The following UPP2 variants were observed in gnomAD, a reference collection of about 807,000 sequenced individuals.
The protein encoded by UPP2 is UPase 2.
In UPP2, 23 loss-of-function variants were observed where a neutral mutation model predicts 26.7. That is an observed-to-expected ratio of 0.86 (90% CI 0.62 to 1.22). UPP2 has a LOEUF of 1.22. Among genes scored for constraint, UPP2 ranks in the 50% most tolerant of loss-of-function variants. The pLI, the probability that UPP2 is intolerant of heterozygous loss-of-function variation, is 0.00. For synonymous variants in UPP2, 127 were observed against 141.3 expected (o/e 0.90, Z 0.72); for missense variants, 387 against 396.7 (o/e 0.98, Z 0.21).
intron 3 of UPP2, among the ~76,000 whole-genome samples, chr2:158,095,784 GT>G (rs143213496): frequency 2.8e-4 from 41 of 147,976 alleles, no homozygotes; most frequent in South Asian, 1.1e-3. Flanking sequence ...CATTCTTCCT[GT>G]TTTTTTTTTC....
rs561788200 is a variant in UPP2 at position 158,104,838 on chromosome 2, C to T, written c.63-1261C>T. ...TCAGCAGGCTGAGGCAGGAGAATCG[C>T]TTGAACCAGGAGGCGGAGGTTGCAG... On this transcript the variant is annotated intron_variant, in intron 1 of 6. Coordinates refer to ENST00000005756, the MANE Select transcript of UPP2 (RefSeq NM_173355.4). Among the ~76,000 whole-genome samples the T allele has an allele frequency of 8.6e-5, 13 of 150,928 alleles. No homozygotes were observed. The South Asian group carries it at 2.3e-3, about 27-fold the overall frequency.
At chr2:158,037,408 G>A (rs906010602) in intron 3 of UPP2, among the ~76,000 whole-genome samples, 3 of 151,908 alleles carry the variant, frequency 2.0e-5, no homozygotes, top group Middle Eastern at 3.2e-3. Context: ...CCTTTTGGGG[G>A]GATATATTAG....
intron 4 of UPP2, among the ~76,000 whole-genome samples, chr2:158,119,861 A>T (rs1260216191): frequency 2.6e-5 from 4 of 151,786 alleles, no homozygotes; most frequent in Admixed American, 2.6e-4. Context: ...AATACAAAAA[A>T]TTAGTTAGGT....
At chr2:158,012,148 G>A (rs532891186) in intron 2 of UPP2, among the ~76,000 whole-genome samples, 3 of 151,564 alleles carry the variant, frequency 2.0e-5, no homozygotes, top group African/African-American at 4.8e-5. Flanking sequence ...GTACATGTAA[G>A]CCTTTTAAAA....
intron 3 of UPP2, among the ~76,000 whole-genome samples, chr2:158,037,406 G>A (rs1684020712): frequency 6.6e-6 from 1 of 152,048 alleles, no homozygotes; most frequent in Non-Finnish European, 1.5e-5. Flanking sequence ...ATCCTTTTGG[G>A]GGGATATATT....
At chr2:158,098,562 T>A (rs7593877), upstream of UPP2, among the ~76,000 whole-genome samples, 3,953 of 152,196 alleles carry the variant, frequency 0.026, 177 homozygotes, top group African/African-American at 0.087. Context: ...CTGAGCTGCA[T>A]CATCACATAG....
At chr2:158,020,601 G>GA (rs1322585904) in intron 3 of UPP2, among the ~76,000 whole-genome samples, 2 of 152,214 alleles carry the variant, frequency 1.3e-5, no homozygotes, top group East Asian at 3.9e-4. Context: ...AACATGGAAT[G>GA]ACACCCAGAG....
intron 2 of UPP2, among the ~76,000 whole-genome samples, chr2:157,999,379 T>C (rs7355662): frequency 0.66 from 100,650 of 152,008 alleles, 33,908 homozygotes; most frequent in East Asian, 0.98. Context: ...GGTTTCACTA[T>C]GTTGACCAGG....
At chr2:158,130,938 T>C (rs185154258) in intron 6 of UPP2, among the ~76,000 whole-genome samples, 2 of 152,266 alleles carry the variant, frequency 1.3e-5, no homozygotes, top group Admixed American at 1.3e-4. Context: ...GAAGAACAAA[T>C]TGTTTCTATG....
rs569807371 is a variant in UPP2, at chr2:158,117,220, C to G, written c.340-604C>G. 8.4e-4 allele frequency among the ~76,000 whole-genome samples: 128 copies of G among 151,700 alleles called. 2 individuals carry two copies. Among genetic ancestry groups the G allele is most frequent in the Non-Finnish European group, 1.6e-3 (107 of 67,670 alleles). On this transcript the variant is annotated intron_variant, in intron 3 of 6. Transcript: ENST00000005756. ...CCCTTTTCTGGTGACATTGATTCCACTGTCCTGAATACTGAAAAAAACAGG... is the reference window on the plus strand; with the variant it reads ...CCCTTTTCTGGTGACATTGATTCCAGTGTCCTGAATACTGAAAAAAACAGG...
chr2:158,072,781 T>C (rs1028997559), intron 3 of UPP2, among the ~76,000 whole-genome samples: 1 of 152,222 alleles, frequency 6.6e-6, no homozygotes, highest in South Asian at 2.1e-4. Flanking sequence ...GGTAACTCAA[T>C]GAGTCTATAA....
At chr2:158,081,011 T>C (rs1455896500) in intron 3 of UPP2, among the ~76,000 whole-genome samples, 4 of 152,222 alleles carry the variant, frequency 2.6e-5, no homozygotes, top group Non-Finnish European at 5.9e-5. Context: ...AAATGAAGTG[T>C]GTCATGCCTG....
chr2:158,010,568 T>A (rs778946165), intron 2 of UPP2, among the ~76,000 whole-genome samples: 6 of 152,096 alleles, frequency 3.9e-5, no homozygotes, highest in Admixed American at 1.3e-4. Context: ...GTAGGCTGAA[T>A]CAAATTAAGC....
At chr2:158,060,813 G>GC (rs1682340733) in intron 3 of UPP2, among the ~76,000 whole-genome samples, 1 of 152,186 alleles carries the variant, frequency 6.6e-6, no homozygotes, top group African/African-American at 2.4e-5. Context: ...TGAGAAGGTG[G>GC]CCATCTACAA....
chr2:158,068,599 C>T (rs865994814), intron 3 of UPP2, among the ~76,000 whole-genome samples: 42 of 151,126 alleles, frequency 2.8e-4, no homozygotes, highest in Admixed American at 6.0e-4. Flanking sequence ...TGTTTCCTCA[C>T]CTGTAAAATG....
rs1217122614 is a variant in UPP2 at position 158,063,602 on chromosome 2, T to C, written c.148-38438T>C. 3.0e-3 allele frequency among the ~76,000 whole-genome samples: 29 copies of C among 9,548 alleles called. No homozygotes were observed. In the African/African-American group the frequency reaches 0.08, roughly 26 times the overall value. The allele number at this position is 9,548 out of a possible 152,430, so 6.3% of individuals were successfully genotyped here. On this transcript the variant is annotated intron_variant, in intron 3 of 9. Transcript: ENST00000605860. ...AGGATTAGGCCACCATTTTCTTTTC[T>C]TTTTTTTTTTTATACTTTAAGTTCT...
intron 3 of UPP2, among the ~76,000 whole-genome samples, chr2:158,029,641 A>G (rs1393792751): frequency 6.6e-6 from 1 of 152,058 alleles, no homozygotes; most frequent in African/African-American, 2.4e-5. Context: ...GAAAACAGGT[A>G]TAAACTGGGC....
intron 3 of UPP2, among the ~76,000 whole-genome samples, chr2:158,062,454 C>T (rs1490947849): frequency 5.3e-5 from 8 of 152,114 alleles, no homozygotes; most frequent in Non-Finnish European, 1.2e-4. Context: ...GACATGTATC[C>T]ACGTGCAAGG....
chr2:158,104,808 G>T (rs182650395), intron 1 of UPP2, among the ~76,000 whole-genome samples: 355 of 151,936 alleles, frequency 2.3e-3, no homozygotes, highest in African/African-American at 8.2e-3. Context: ...TGTAATCCTG[G>T]ATACTCAGCA....
Sources: allele counts gnomAD v4.1 joint callset (sites outside exome capture counted in the v4.1 genomes callset), GRCh38; gene constraint gnomAD v4.1.1; transcripts MANE v1.5; gene names NCBI Gene and HGNC (gene_info 2026-07-23, HGNC 2026-07-21).